Variants in RYR2 observed in about 807,000 individuals in gnomAD.
RYR2 encodes cardiac muscle ryanodine receptor-calcium release channel.
A neutral mutation model predicts 601.1 loss-of-function variants in RYR2; 227 were observed. The ratio of observed to expected loss-of-function variants is 0.38; its 90% CI spans 0.34 to 0.42. The LOEUF (loss-of-function observed/expected upper bound fraction) is 0.42. Ranked by LOEUF, RYR2 falls within the 10% of genes least tolerant of loss-of-function variation. RYR2 has a pLI of 1.00. For synonymous variants in RYR2, 2,223 were observed against 2,175.1 expected (o/e 1.02, Z -0.61); for missense variants, 4,646 against 6,156.5 (o/e 0.75, Z 8.21).
intron 1 of RYR2, among the ~76,000 whole-genome samples, chr1:237,117,728 T>TTCTCTTCTCTTCTCC (rs1670283444): frequency 1.4e-5 from 2 of 147,240 alleles, no homozygotes; most frequent in Non-Finnish European, 3.0e-5. Flanking sequence ...TTCTCTTCTC[T>TTCTCTTCTCTTCTCC]TCTCTTCTCT....
At chr1:237,336,660 A>C (rs997452627) in intron 3 of RYR2, among the ~76,000 whole-genome samples, 2 of 151,528 alleles carry the variant, frequency 1.3e-5, no homozygotes, top group Non-Finnish European at 2.9e-5. Context: ...GTTTGAGACC[A>C]GCCTGGCCAA....
At chr1:237,340,679 A>G (rs1013192502) in intron 3 of RYR2, among the ~76,000 whole-genome samples, 1 of 152,204 alleles carries the variant, frequency 6.6e-6, no homozygotes, top group African/African-American at 2.4e-5. Context: ...GTAAAGCATA[A>G]ATAGTACTTC....
rs150758308 is a variant in RYR2 at position 237,477,366 on chromosome 1, G to A, written c.1708+8179G>A. Among the ~76,000 whole-genome samples the A allele has an allele frequency of 4.3e-3, 661 of 152,268 alleles. 3 individuals are homozygous for A. The highest frequency in any genetic ancestry group is 0.027 in the Middle Eastern group (8 of 294). ...AGATCACACCACTGCATTCCAGCCT[G>A]GTGACAGAGTAAGACTCCGTCTCAA... On this transcript the variant is annotated intron_variant, in intron 17 of 104. Coordinates refer to ENST00000366574, the MANE Select transcript of RYR2 (RefSeq NM_001035.3).
At chr1:237,478,594 A>G (rs190188865) in intron 17 of RYR2, among the ~76,000 whole-genome samples, 33 of 152,316 alleles carry the variant, frequency 2.2e-4, no homozygotes, top group Non-Finnish European at 4.0e-4. Flanking sequence ...AATAATAGCA[A>G]AGGCTGATAC....
chr1:237,704,992 CAG>C (rs1266567114), intron 66 of RYR2, among the ~76,000 whole-genome samples: 5 of 151,944 alleles, frequency 3.3e-5, no homozygotes, highest in Admixed American at 1.3e-4. Context: ...AATAAGTTGA[CAG>C]ATAATTTTTT....
At chr1:237,149,302 C>G in intron 1 of RYR2, among the ~76,000 whole-genome samples, 1 of 150,660 alleles carries the variant, frequency 6.6e-6, no homozygotes, top group African/African-American at 2.4e-5. Context: ...CTACAAAAAA[C>G]AAACAAAAAC....
At chr1:237,506,938 T>C (rs1484265900) in intron 23 of RYR2, 124 bp downstream of exon 23, 3 of 811,612 alleles carry the variant, frequency 3.7e-6, no homozygotes, top group Non-Finnish European at 6.1e-6. Context: ...TTTTTCCCCC[T>C]ACACATTAGT....
chr1:237,625,829 C>T (rs1466227845), intron 40 of RYR2, 25 bp downstream of exon 40: 1 of 1,608,866 alleles, frequency 6.2e-7, no homozygotes, highest in Admixed American at 1.7e-5. Context: ...AGTGCACTGG[C>T]AGAATGACCC....
At chr1:237,637,042 G>A (rs763925697) in intron 44 of RYR2, among the ~76,000 whole-genome samples, 1 of 152,056 alleles carries the variant, frequency 6.6e-6, no homozygotes, top group African/African-American at 2.4e-5. Flanking sequence ...GGGGAGAAAG[G>A]GACTGCAAAG....
At chr1:237,564,190 T>A (rs1415616620) in intron 27 of RYR2, among the ~76,000 whole-genome samples, 4 of 152,162 alleles carry the variant, frequency 2.6e-5, no homozygotes, top group Non-Finnish European at 5.9e-5. Context: ...CGGTAATCTG[T>A]TTTTTGAGGA....
chr1:237,631,541 G>GGTA lies in RYR2; in HGVS notation c.6555+1_6555+3dup. The GGTA allele has an allele frequency of 6.4e-7, 1 of 1,559,390 alleles. No homozygotes were observed. ...ACGTCCTTGGAGGTGGAGAGTCCAAGGTAACGTCTTTGATTCCTGAGATGC... is the reference window on the plus strand; with the variant it reads ...ACGTCCTTGGAGGTGGAGAGTCCAAGGTAGTAACGTCTTTGATTCCTGAGATGC... On this transcript the variant is annotated inframe_insertion and splice_region_variant. Transcript: ENST00000366574.
chr1:237,253,440 C>A (rs1183699308), intron 1 of RYR2, among the ~76,000 whole-genome samples: 1 of 152,208 alleles, frequency 6.6e-6, no homozygotes, highest in Non-Finnish European at 1.5e-5. Flanking sequence ...ATCTGAGCAA[C>A]TTTTACGTTT....
chr1:237,507,676 C>T (rs1665411387), intron 23 of RYR2, among the ~76,000 whole-genome samples: 1 of 152,208 alleles, frequency 6.6e-6, no homozygotes, highest in African/African-American at 2.4e-5. Context: ...GTCAAATTGT[C>T]ATTACAGTGA....
chr1:237,204,673 G>A (rs996504800), intron 1 of RYR2, among the ~76,000 whole-genome samples: 1 of 152,078 alleles, frequency 6.6e-6, no homozygotes, highest in Non-Finnish European at 1.5e-5. Flanking sequence ...CTTTATATTG[G>A]CGGGGTTTTA....
intron 1 of RYR2, among the ~76,000 whole-genome samples, chr1:237,091,253 T>C (rs1311860777): frequency 6.6e-6 from 1 of 152,170 alleles, no homozygotes; most frequent in African/African-American, 2.4e-5. Flanking sequence ...AACTTCACCA[T>C]CAAGCAGGTT....
intron 12 of RYR2, among the ~76,000 whole-genome samples, chr1:237,433,034 T>TTGG (rs386370114): frequency 0.032 from 1,064 of 32,842 alleles, 6 homozygotes; most frequent in Middle Eastern, 0.081. Context: ...TGACTGTGTG[T>TTGG]GGGGGGGGGT....
At chr1:237,680,374 C>A (rs1685766463) in intron 61 of RYR2, 82 bp from the exon 62 acceptor site, 1 of 1,204,816 alleles carries the variant, frequency 8.3e-7, no homozygotes, top group East Asian at 2.4e-5. Flanking sequence ...GAACAGAACT[C>A]TGACTGCTCC....
At chr1:237,061,265 TATC>T (rs1558163792) in intron 1 of RYR2, among the ~76,000 whole-genome samples, 4 of 89,108 alleles carry the variant, frequency 4.5e-5, no homozygotes, top group African/African-American at 1.5e-4. Flanking sequence ...TCTATCTATC[TATC>T]CATCTATCAT....
chr1:237,470,762 GAC>G (rs1286703676), intron 17 of RYR2, among the ~76,000 whole-genome samples: 2 of 152,152 alleles, frequency 1.3e-5, no homozygotes, highest in East Asian at 1.9e-4. Context: ...TAAGGACATG[GAC>G]ACACACACAA....
Sources: gnomAD v4.1 joint callset for allele counts (sites outside exome capture counted in the v4.1 genomes callset) on GRCh38, gnomAD v4.1.1 for gene constraint, MANE v1.5 for transcripts, NCBI Gene and HGNC (gene_info 2026-07-23, HGNC 2026-07-21) for gene names.